The following SCOC variants were observed in gnomAD, a reference collection of about 807,000 sequenced individuals.
SCOC encodes the protein short coiled-coil protein, also known as short coiled coil protein.
Under a neutral mutation model 9.9 loss-of-function variants are expected in SCOC, and 7 were observed. The ratio of observed to expected loss-of-function variants is 0.71; its 90% confidence interval spans 0.40 to 1.33. The LOEUF (loss-of-function observed/expected upper bound fraction) is 1.33. Ranked by LOEUF, SCOC falls within the 40% of genes most tolerant of loss-of-function variation. SCOC has a pLI of 0.01. For missense variants in SCOC, 66 were observed against 89.7 expected, an observed-to-expected ratio of 0.74 and a Z score of 1.07; for synonymous variants, 19 against 28.2, an observed-to-expected ratio of 0.67 and a Z score of 1.03.
At chr4:140,273,624 C>T (rs1008891592) in intron 1 of SCOC, among the ~76,000 whole-genome samples, 10 of 149,362 alleles carry the variant, frequency 6.7e-5, no homozygotes, top group African/African-American at 2.3e-4. Flanking sequence ...GGCTCAGTGC[C>T]GAGCTCTGAT....
At chr4:140,302,200 C>T (rs573341035) in intron 1 of SCOC, among the ~76,000 whole-genome samples, 5 of 152,124 alleles carry the variant, frequency 3.3e-5, no homozygotes, top group Admixed American at 6.5e-5. Flanking sequence ...TGATTTCTCA[C>T]GTAATGATTT....
chr4:140,296,086 A>C (rs1314858158), intron 1 of SCOC, among the ~76,000 whole-genome samples: 1 of 151,974 alleles, frequency 6.6e-6, no homozygotes, highest in African/African-American at 2.4e-5. Context: ...TCCCTGGATG[A>C]TTGTTATGAG....
intron 1 of SCOC, among the ~76,000 whole-genome samples, chr4:140,288,632 A>G (rs1469070674): frequency 2.6e-5 from 4 of 151,764 alleles, no homozygotes; most frequent in Non-Finnish European, 4.4e-5. Flanking sequence ...CATACATAAC[A>G]CCAAGTATAT....
intron 1 of SCOC, among the ~76,000 whole-genome samples, chr4:140,308,582 G>A (rs886802582): frequency 1.1e-4 from 17 of 152,198 alleles, no homozygotes; most frequent in East Asian, 3.9e-4. Context: ...CTGGGAGCCC[G>A]TGTGTCGATT....
At chr4:140,293,149 C>T (rs993852596) in intron 1 of SCOC, 12 of 384,018 alleles carry the variant, frequency 3.1e-5, no homozygotes, top group Non-Finnish European at 5.7e-5. Context: ...TTTCAGAAGT[C>T]TGAATCATTG....
chr4:140,264,396 C>T (rs910760271), intron 1 of SCOC, among the ~76,000 whole-genome samples: 1 of 152,142 alleles, frequency 6.6e-6, no homozygotes, highest in Non-Finnish European at 1.5e-5. Context: ...GTTACTTTAC[C>T]TCTTTGTGCC....
chr4:140,361,641 A>G (rs762557448), intron 2 of SCOC, among the ~76,000 whole-genome samples: 1 of 152,146 alleles, frequency 6.6e-6, no homozygotes, highest in African/African-American at 2.4e-5. Context: ...CCTTGGTGAC[A>G]AAGTGAGATC....
intron 1 of SCOC, among the ~76,000 whole-genome samples, chr4:140,313,511 C>G (rs1732216214): frequency 1.3e-5 from 2 of 152,144 alleles, no homozygotes; most frequent in Non-Finnish European, 2.9e-5. Context: ...CTTAGCCTCC[C>G]AAAGTGCTGG....
chr4:140,380,044 A>C (rs1728504777), intron 3 of SCOC, among the ~76,000 whole-genome samples: 1 of 152,188 alleles, frequency 6.6e-6, no homozygotes, highest in Non-Finnish European at 1.5e-5. Context: ...AATACACTGA[A>C]ACATCTTTTG....
chr4:140,332,686 C>T (rs943916695), intron 1 of SCOC, among the ~76,000 whole-genome samples: 1 of 152,064 alleles, frequency 6.6e-6, no homozygotes, highest in African/African-American at 2.4e-5. Flanking sequence ...CTGGAGTCAT[C>T]TTTGACTGAT....
intron 1 of SCOC, among the ~76,000 whole-genome samples, chr4:140,276,712 C>T (rs528818087): frequency 1.1e-4 from 17 of 152,218 alleles, no homozygotes; most frequent in African/African-American, 3.9e-4. Context: ...CTGTCTCAGC[C>T]TCCCAAAGTG....
intron 2 of SCOC, chr4:140,366,523 A>G (rs1021537967): frequency 1.0e-4 from 164 of 1,571,280 alleles, no homozygotes; most frequent in Non-Finnish European, 1.4e-4. Flanking sequence ...CATTGCCTTC[A>G]TAACTTTAAA....
chr4:140,301,618 T>C (rs1173826738), intron 1 of SCOC, among the ~76,000 whole-genome samples: 1 of 152,114 alleles, frequency 6.6e-6, no homozygotes, highest in Non-Finnish European at 1.5e-5. Context: ...TCTGAAAACT[T>C]TCTTCTTGTA....
intron 1 of SCOC, among the ~76,000 whole-genome samples, chr4:140,290,245 A>C (rs1432512584): frequency 6.6e-6 from 1 of 152,242 alleles, no homozygotes; most frequent in East Asian, 1.9e-4. Context: ...GCCATACAAC[A>C]GTGTCAGGAT....
intron 2 of SCOC, chr4:140,360,872 T>G (rs1727435895): frequency 6.6e-6 from 1 of 152,258 alleles, no homozygotes; most frequent in Non-Finnish European, 1.5e-5. Context: ...TGACTTCTAC[T>G]GATGCTTCCT....
intron 1 of SCOC, among the ~76,000 whole-genome samples, chr4:140,316,896 C>A (rs1732336944): frequency 6.6e-6 from 1 of 152,118 alleles, no homozygotes; most frequent in Non-Finnish European, 1.5e-5. Flanking sequence ...TTCTAGAAAT[C>A]AATTAAATTT....
At position 140,383,183 on chromosome 4, in the gene SCOC, A is replaced by C. The variant is rs1305003454; in HGVS notation, c.*2079A>C. 1.3e-5 allele frequency: 2 copies of C among 152,212 alleles called. No individual in the cohort carries two copies. The highest frequency in any genetic ancestry group is 4.8e-5 in the African/African-American group (2 of 41,466). The allele number at this position is 152,212 out of a possible 1,614,324, so 9.4% of individuals were successfully genotyped here. A position where few individuals can be genotyped will look rare whatever the true frequency, so the allele number is the denominator to read the frequency against. On this transcript the variant is annotated 3_prime_UTR_variant, in exon 4 of 4. Transcript: ENST00000608372. ...CTGGGAAGCCATCTTCCAGCTATAA[A>C]TACAAGATTTTGGTGGCTGCTAGCA... is the stretch of plus-strand genomic sequence containing the variant.
At chr4:140,339,519 C>T (rs576077961), upstream of SCOC, among the ~76,000 whole-genome samples, 96 of 152,244 alleles carry the variant, frequency 6.3e-4, no homozygotes, top group African/African-American at 2.1e-3. Flanking sequence ...AGGCAACCTA[C>T]GGAATGGGAG....
chr4:140,298,210 T>C (rs1014993248), intron 1 of SCOC, among the ~76,000 whole-genome samples: 1 of 152,236 alleles, frequency 6.6e-6, no homozygotes, highest in African/African-American at 2.4e-5. Context: ...GAGTCGTCCC[T>C]GGTTCCTGAC....
Sources: allele counts gnomAD v4.1 joint callset (sites outside exome capture counted in the v4.1 genomes callset), GRCh38; gene constraint gnomAD v4.1.1; transcripts MANE v1.5; gene names NCBI Gene and HGNC (gene_info 2026-07-23, HGNC 2026-07-21).